Variants in MOB3B observed in about 807,000 individuals in gnomAD.
MOB3B encodes MOB kinase activator 3B.
MOB3B carries 7 observed loss-of-function variants against 18.7 expected under a neutral mutation model. That is an observed-to-expected ratio of 0.37 (90% CI 0.21 to 0.70). The LOEUF is 0.70. Ranked by LOEUF, MOB3B falls within the 30% of genes least tolerant of loss-of-function variation. MOB3B has a pLI of 0.52. For missense variants in MOB3B, 253 were observed against 281.3 expected (o/e 0.90, Z 0.72); for synonymous variants, 111 against 99.9 (o/e 1.11, Z -0.66).
intron 2 of MOB3B, among the ~76,000 whole-genome samples, chr9:27,383,668 C>A (rs959410889): frequency 6.6e-6 from 1 of 152,194 alleles, no homozygotes; most frequent in African/African-American, 2.4e-5. Flanking sequence ...CAGGACAGAG[C>A]TGCTCTGTGA....
chr9:27,407,020 T>C (rs1233603460), intron 2 of MOB3B, among the ~76,000 whole-genome samples: 2 of 151,966 alleles, frequency 1.3e-5, no homozygotes, highest in African/African-American at 4.8e-5. Flanking sequence ...TGTATTATTA[T>C]TAGCGACGGG....
chr9:27,374,309 C>A (rs768062401), intron 2 of MOB3B, among the ~76,000 whole-genome samples: 7 of 151,900 alleles, frequency 4.6e-5, no homozygotes, highest in Non-Finnish European at 1.0e-4. Context: ...AAACCTAGAT[C>A]CCACTCACTT....
chr9:27,447,768 G>C (rs1822716409), intron 2 of MOB3B, among the ~76,000 whole-genome samples: 1 of 152,164 alleles, frequency 6.6e-6, no homozygotes, highest in Non-Finnish European at 1.5e-5. Flanking sequence ...GCAGTATTGG[G>C]TTCACAAGGT....
In MOB3B at chr9:27,491,644, C is replaced by A. The variant is rs570636371; in HGVS notation, c.-198-35896G>T. Among the ~76,000 whole-genome samples the A allele has an allele frequency of 3.2e-4, 48 of 152,182 alleles. No homozygotes were observed. In the South Asian group the frequency reaches 5.4e-3, roughly 17 times the overall value. ...AATCCCAGCACTTTGGGAGGCCGAG[C>A]AGGCAGATCACAAGGTCAGGAGATT... is the stretch of plus-strand genomic sequence containing the variant. On this transcript the variant is annotated intron_variant, in intron 1 of 3. Coordinates refer to ENST00000262244, the MANE Select transcript of MOB3B (RefSeq NM_024761.5).
chr9:27,413,228 C>G (rs560871166), intron 2 of MOB3B, among the ~76,000 whole-genome samples: 3 of 152,102 alleles, frequency 2.0e-5, no homozygotes, highest in African/African-American at 7.2e-5. Context: ...CTTAGCACAG[C>G]AGAGAGGTCG....
At chr9:27,403,925 G>T (rs7020361) in intron 2 of MOB3B, among the ~76,000 whole-genome samples, 60,256 of 151,982 alleles carry the variant, frequency 0.4, 12,933 homozygotes, top group East Asian at 0.78. Flanking sequence ...TATCATTTCT[G>T]TTGTGTTAAG....
intron 1 of MOB3B, among the ~76,000 whole-genome samples, chr9:27,466,708 G>A (rs1819388856): frequency 6.6e-6 from 1 of 152,202 alleles, no homozygotes; most frequent in Admixed American, 6.5e-5. Context: ...AAATGAGGAA[G>A]AAGCAAAAGC....
At chr9:27,524,831 T>C (rs1387476726) in intron 1 of MOB3B, 2 of 1,613,974 alleles carry the variant, frequency 1.2e-6, no homozygotes, top group Non-Finnish European at 1.7e-6. Context: ...TGAGGAGATA[T>C]TTCCACAGGA....
intron 1 of MOB3B, among the ~76,000 whole-genome samples, chr9:27,500,762 C>T (rs1819978375): frequency 1.3e-5 from 2 of 152,114 alleles, no homozygotes; most frequent in Non-Finnish European, 2.9e-5. Flanking sequence ...TCTAATTAAA[C>T]TAAAGAGCTT....
chr9:27,340,088 G>A (rs1404262456), intron 3 of MOB3B, among the ~76,000 whole-genome samples: 1 of 152,182 alleles, frequency 6.6e-6, no homozygotes, highest in East Asian at 1.9e-4. Flanking sequence ...ATAGAAACAA[G>A]GCAGGCCAGA....
rs534235163 is a variant in MOB3B, at chr9:27,457,017, G to A, written c.-198-1269C>T. Among the ~76,000 whole-genome samples, 61 of 152,146 alleles carry A rather than the reference G, an allele frequency of 4.0e-4. 2 individuals are homozygous for A. In the South Asian group the frequency reaches 0.013, roughly 32 times the overall value. On this transcript the variant is annotated intron_variant, in intron 1 of 3. Transcript: ENST00000262244. ...TAATAGGTCTAATAGATTTATAGTGGGTATCATTCTTCCTGGGTCTCCAAG... is the reference window on the plus strand; with the variant it reads ...TAATAGGTCTAATAGATTTATAGTGAGTATCATTCTTCCTGGGTCTCCAAG...
intron 3 of MOB3B, among the ~76,000 whole-genome samples, chr9:27,355,045 C>G (rs1218954189): frequency 6.6e-6 from 1 of 152,216 alleles, no homozygotes; most frequent in Non-Finnish European, 1.5e-5. Context: ...ATATATCTTG[C>G]TCAAGTTTGC....
intron 2 of MOB3B, among the ~76,000 whole-genome samples, chr9:27,436,943 G>A (rs1398443568): frequency 7.1e-6 from 1 of 140,080 alleles, no homozygotes; most frequent in East Asian, 2.3e-4. Flanking sequence ...CAGACACAAG[G>A]AACAGAACGC....
At chr9:27,483,534 G>C (rs533957793) in intron 1 of MOB3B, among the ~76,000 whole-genome samples, 60 of 152,300 alleles carry the variant, frequency 3.9e-4, no homozygotes, top group African/African-American at 1.4e-3. Flanking sequence ...CAATTAGTAA[G>C]TTAAGCTGAC....
chr9:27,524,366 G>GTGTT (rs144060127), intron 1 of MOB3B: 48,289 of 1,611,718 alleles, frequency 0.03, 912 homozygotes, highest in African/African-American at 0.043. Flanking sequence ...TGATTCAAAA[G>GTGTT]TGTTTGTGGC....
intron 2 of MOB3B, among the ~76,000 whole-genome samples, chr9:27,445,796 G>C (rs2131439244): frequency 6.6e-6 from 1 of 152,150 alleles, no homozygotes; most frequent in South Asian, 2.1e-4. Context: ...AGGCATTAGG[G>C]TAATCTTCAG....
chr9:27,335,300 A>G (rs1820847270), intron 3 of MOB3B, among the ~76,000 whole-genome samples: 1 of 152,194 alleles, frequency 6.6e-6, no homozygotes, highest in Admixed American at 6.5e-5. Flanking sequence ...CACCTACTCC[A>G]ACACTTTAAT....
intron 2 of MOB3B, among the ~76,000 whole-genome samples, chr9:27,371,812 T>G (rs1821419790): frequency 6.6e-6 from 1 of 152,192 alleles, no homozygotes; most frequent in South Asian, 2.1e-4. Context: ...CCAGACCTTC[T>G]GTTTTTTTTC....
At chr9:27,333,061 C>T (rs1342912701) in intron 3 of MOB3B, among the ~76,000 whole-genome samples, 1 of 152,070 alleles carries the variant, frequency 6.6e-6, no homozygotes, top group Non-Finnish European at 1.5e-5. Flanking sequence ...TGGGCAAATA[C>T]TAGAACAATT....
Sources: allele counts gnomAD v4.1 joint callset (sites outside exome capture counted in the v4.1 genomes callset), GRCh38; gene constraint gnomAD v4.1.1; transcripts MANE v1.5; gene names NCBI Gene and HGNC (gene_info 2026-07-23, HGNC 2026-07-21).